The following FOCAD variants were observed in gnomAD, a reference collection of about 807,000 sequenced individuals.
FOCAD encodes KIAA1797.
In FOCAD, 198 loss-of-function variants were observed where a neutral mutation model predicts 225.6. That is an observed-to-expected ratio of 0.88 (90% CI 0.78 to 0.99). The LOEUF is 0.99. Ranked by LOEUF, FOCAD falls within the 50% of genes least tolerant of loss-of-function variation. FOCAD has a pLI of 0.00. For synonymous variants in FOCAD, 897 were observed against 755.0 expected (o/e 1.19, Z -3.08); for missense variants, 2,713 against 2,123.6 (o/e 1.28, Z -5.46).
intron 35 of FOCAD, among the ~76,000 whole-genome samples, chr9:20,960,708 A>G (rs1340318007): frequency 6.6e-6 from 1 of 151,236 alleles, no homozygotes; most frequent in Non-Finnish European, 1.5e-5. Flanking sequence ...TACATTGGGT[A>G]TATCTCCTAA....
chr9:20,907,371 C>T, intron 22 of FOCAD, 129 bp downstream of exon 22: 1 of 759,876 alleles, frequency 1.3e-6, no homozygotes, highest in Non-Finnish European at 2.3e-6. Flanking sequence ...GTTATTTTTA[C>T]TCATAAAAGA....
At chr9:20,967,306 C>A (rs1284556135) in intron 35 of FOCAD, among the ~76,000 whole-genome samples, 1 of 151,966 alleles carries the variant, frequency 6.6e-6, no homozygotes, top group African/African-American at 2.4e-5. Flanking sequence ...TTCTAAATTT[C>A]TTTTTCAGAT....
chr9:20,823,958 G>A (rs1299145977), intron 15 of FOCAD, among the ~76,000 whole-genome samples: 1 of 152,100 alleles, frequency 6.6e-6, no homozygotes, highest in African/African-American at 2.4e-5. Flanking sequence ...GAGGAAGATA[G>A]ACCCCAGAGA....
At chr9:20,669,149 T>C (rs1192468609) in intron 2 of FOCAD, among the ~76,000 whole-genome samples, 1 of 152,104 alleles carries the variant, frequency 6.6e-6, no homozygotes, top group Non-Finnish European at 1.5e-5. Context: ...GTCTTTGGAG[T>C]AAGGCAAGTG....
At chr9:20,828,266 C>G (rs1825116796) in intron 15 of FOCAD, among the ~76,000 whole-genome samples, 1 of 151,988 alleles carries the variant, frequency 6.6e-6, no homozygotes, top group Non-Finnish European at 1.5e-5. Context: ...AGTCATTTTA[C>G]TCTTTCTTTG....
intron 11 of FOCAD, among the ~76,000 whole-genome samples, chr9:20,815,137 G>GTTTTTTTTTT (rs71334555): frequency 7.2e-5 from 5 of 69,116 alleles, no homozygotes; most frequent in African/African-American, 2.4e-4. Flanking sequence ...TTTTTTTTTT[G>GTTTTTTTTTT]TTTTTTTTTT....
intron 43 of FOCAD, among the ~76,000 whole-genome samples, chr9:20,994,688 G>C (rs1293655977): frequency 1.3e-5 from 2 of 152,116 alleles, no homozygotes; most frequent in African/African-American, 2.4e-5. Flanking sequence ...CATCCCTAGA[G>C]ACTTGCTGCT....
At chr9:20,698,926 G>A (rs1222158787) in intron 1 of FOCAD, among the ~76,000 whole-genome samples, 2 of 152,262 alleles carry the variant, frequency 1.3e-5, no homozygotes, top group East Asian at 3.9e-4. Context: ...GAACTTGAAG[G>A]ATGTATGCCA....
chr9:20,889,121 A>G (rs987853116), intron 21 of FOCAD, among the ~76,000 whole-genome samples: 4 of 152,216 alleles, frequency 2.6e-5, no homozygotes, highest in Admixed American at 6.5e-5. Flanking sequence ...ACCCATTTGT[A>G]GTCACTCTTC....
intron 11 of FOCAD, among the ~76,000 whole-genome samples, chr9:20,814,726 C>G (rs1823475547): frequency 6.6e-6 from 1 of 152,072 alleles, no homozygotes. Flanking sequence ...ACATCAATAT[C>G]TAACAATATT....
intron 1 of FOCAD, among the ~76,000 whole-genome samples, chr9:20,701,450 C>T (rs74357278): frequency 6.6e-6 from 1 of 152,170 alleles, no homozygotes; most frequent in Non-Finnish European, 1.5e-5. Flanking sequence ...TTTAAGCAAT[C>T]ATTTGGGTAT....
chr9:20,833,530 G>A (rs998347291), intron 15 of FOCAD, among the ~76,000 whole-genome samples: 1 of 152,012 alleles, frequency 6.6e-6, no homozygotes, highest in African/African-American at 2.4e-5. Flanking sequence ...ACATGGCAGC[G>A]ACCACTTGGT....
chr9:20,923,931 T>C (rs1699816568), intron 25 of FOCAD, among the ~76,000 whole-genome samples, 163 bp downstream of exon 25: 1 of 152,220 alleles, frequency 6.6e-6, no homozygotes, highest in East Asian at 1.9e-4. Flanking sequence ...TTCCTAACTT[T>C]GCTGCTTTTC....
chr9:20,851,856 A>T (rs754428526), intron 15 of FOCAD, among the ~76,000 whole-genome samples: 1 of 151,794 alleles, frequency 6.6e-6, no homozygotes, highest in East Asian at 1.9e-4. Flanking sequence ...TTGTAAGTAA[A>T]GTTTTATTGG....
intron 15 of FOCAD, among the ~76,000 whole-genome samples, chr9:20,855,932 T>C (rs1000171110): frequency 2.6e-5 from 4 of 151,978 alleles, no homozygotes; most frequent in African/African-American, 9.6e-5. Flanking sequence ...CATTCTTTTT[T>C]ATGGTTAAAT....
chr9:20,950,728 C>G (rs1837608932), intron 33 of FOCAD, among the ~76,000 whole-genome samples: 1 of 152,134 alleles, frequency 6.6e-6, no homozygotes, highest in Non-Finnish European at 1.5e-5. Flanking sequence ...ACCAGTCTCA[C>G]TCAGTGAAAC....
intron 19 of FOCAD, among the ~76,000 whole-genome samples, chr9:20,877,453 C>G (rs958937853): frequency 2.0e-5 from 3 of 152,144 alleles, no homozygotes; most frequent in African/African-American, 4.8e-5. Context: ...TCATAGATCA[C>G]TTTACACAAT....
Position 20,764,856 on chromosome 9 carries a change from TC to T in FOCAD, c.495-12del. 1 of 1,608,040 alleles carries T rather than the reference TC, an allele frequency of 6.2e-7. No individual in the cohort carries two copies. Among genetic ancestry groups the T allele is most frequent in the Non-Finnish European group, 8.5e-7 (1 of 1,175,702 alleles). ...TAACTCAATAACTGGCTAATGTATT[TC>T]ATGTCTTATAGGTTAGAAGTTTCAT... On this transcript the variant is annotated splice_polypyrimidine_tract_variant and intron_variant, in intron 6 of 43. Coordinates refer to ENST00000338382, the MANE Select transcript of FOCAD (RefSeq NM_001375567.1).
At chr9:20,883,194 C>T (rs1403513110) in intron 20 of FOCAD, among the ~76,000 whole-genome samples, 1 of 152,158 alleles carries the variant, frequency 6.6e-6, no homozygotes, top group African/African-American at 2.4e-5. Flanking sequence ...ATAAAGAAGT[C>T]ACTCTCTTTG....
Sources: allele counts gnomAD v4.1 joint callset (sites outside exome capture counted in the v4.1 genomes callset), GRCh38; gene constraint gnomAD v4.1.1; transcripts MANE v1.5; gene names NCBI Gene and HGNC (gene_info 2026-07-23, HGNC 2026-07-21).